The following L3MBTL1 variants were observed in gnomAD, a reference collection of about 807,000 sequenced individuals.
L3MBTL1 encodes lethal(3)malignant brain tumor-like protein 1.
Under a neutral mutation model 105.3 loss-of-function variants are expected in L3MBTL1, and 75 were observed. The observed-to-expected ratio is 0.71, with a 90% CI of 0.59 to 0.86. The LOEUF is 0.86. L3MBTL1 is among the 40% of genes least tolerant of loss of function. The pLI is 0.00. For missense variants in L3MBTL1, 1,069 were observed against 1,126.4 expected, an observed-to-expected ratio of 0.95 and a Z score of 0.73; for synonymous variants, 452 against 436.2, an observed-to-expected ratio of 1.04 and a Z score of -0.45.
chr20:43,528,707 C>T lies in L3MBTL1; in HGVS notation c.913C>T (p.Gln305Ter), dbSNP rs769342204. Residue 305 changes from glutamine to a stop codon, truncating the protein, a stop_gained, in exon 8 of 22, where the codon CAG becomes TAG. Transcript: ENST00000418998. LOFTEE classifies it high-confidence loss of function. ...CWSWESYLEE[Q>*]KAITAPVSLF... is the part of the protein sequence containing the mutation. ...GTCGTGGGAGTCCTACCTAGAGGAG[C>T]AGAAGGCCATTACTGCTCCAGTCAG... The T allele has an allele frequency of 1.9e-6, 3 of 1,614,098 alleles. No homozygotes were observed. The highest frequency in any genetic ancestry group is 1.7e-6 in the Non-Finnish European group (2 of 1,179,956).
At chr20:43,545,137 A>T (rs777022751), downstream of L3MBTL1, among the ~76,000 whole-genome samples, 2 of 151,884 alleles carry the variant, frequency 1.3e-5, no homozygotes, top group Non-Finnish European at 2.9e-5. Context: ...GGTGGCGCAC[A>T]TCCGTAATCC....
At chr20:43,550,134 C>T (rs1385244533) in exon 19 of L3MBTL1, 1 of 151,960 alleles carries the variant, frequency 6.6e-6, no homozygotes, top group Non-Finnish European at 1.5e-5. Context: ...CAAGTCTAAG[C>T]CTTGCTTTTA....
chr20:43,514,461 C>CAGGTG, intron 3 of L3MBTL1, 174 bp from the exon 4 acceptor site: 1 of 1,507,418 alleles, frequency 6.6e-7, no homozygotes. Flanking sequence ...GGGGGCGTAG[C>CAGGTG]CTGGAGTGAG....
intron 19 of L3MBTL1, 55 bp downstream of exon 19, chr20:43,536,513 T>A: frequency 1.3e-6 from 2 of 1,578,308 alleles, no homozygotes; most frequent in South Asian, 2.2e-5. Flanking sequence ...TCACAGCGAG[T>A]GCTCTGTCAT....
intron 3 of L3MBTL1, 62 bp downstream of exon 3, chr20:43,514,123 G>GC (rs1231647432): frequency 7.2e-6 from 10 of 1,380,922 alleles, no homozygotes; most frequent in Non-Finnish European, 9.9e-6. Flanking sequence ...GGGCTTGCAG[G>GC]CCCGGAGGCT....
chr20:43,533,462 C>T (rs371549672), intron 13 of L3MBTL1, 44 bp downstream of exon 13: 23 of 1,546,650 alleles, frequency 1.5e-5, no homozygotes, highest in Admixed American at 3.5e-5. Context: ...AAGCCTGGCT[C>T]TGCTTCCCTC....
In L3MBTL1 at chr20:43,516,132, A is replaced by C. The variant is rs1342687535; in HGVS notation, c.817A>C (p.Thr273Pro). 1 of 1,614,120 alleles carries C rather than the reference A, an allele frequency of 6.2e-7. No individual in the cohort carries two copies. Among genetic ancestry groups the C allele is most frequent in the Non-Finnish European group, 8.5e-7 (1 of 1,179,988 alleles). The change falls in exon 7 of 22, where the codon ACT becomes CCT. Residue 273 changes from threonine to proline, a missense_variant. By Grantham distance (38) the Thr-to-Pro change is conservative. Transcript: ENST00000418998. The part of the protein sequence containing the change: ...EEGKDPEGQP[T>P]ASTPESEEWS... ...AGGAAAGGACCCAGAGGGACAACCCACTGCTAGCACCCCAGAGAGTGAGGA... is the reference window on the plus strand; with the variant it reads ...AGGAAAGGACCCAGAGGGACAACCCCCTGCTAGCACCCCAGAGAGTGAGGA...
chr20:43,515,235 G>A, intron 5 of L3MBTL1, 57 bp from the exon 6 acceptor site: 1 of 1,613,236 alleles, frequency 6.2e-7, no homozygotes, highest in Non-Finnish European at 8.5e-7. Context: ...GGGGTTAGGA[G>A]AGGGGCTGGG....
chr20:43,538,356 C>T (rs112915860), intron 19 of L3MBTL1, among the ~76,000 whole-genome samples: 105 of 152,292 alleles, frequency 6.9e-4, no homozygotes, highest in Non-Finnish European at 8.7e-4. Context: ...GACTATGTCA[C>T]GGAACTGGCA....
chr20:43,514,948 G>A (rs759150589), intron 4 of L3MBTL1, 61 bp from the exon 5 acceptor site: 60 of 1,580,670 alleles, frequency 3.8e-5, no homozygotes, highest in Non-Finnish European at 5.1e-5. Context: ...AGGGGGCGTG[G>A]GCGGAGCCTG....
At chr20:43,531,558 T>C (rs942433866) in intron 11 of L3MBTL1, 2 of 150,340 alleles carry the variant, frequency 1.3e-5, no homozygotes, top group Admixed American at 6.7e-5. Context: ...CTACTAAAAA[T>C]ATAAAAAATT....
intron 9 of L3MBTL1, 96 bp from the exon 10 acceptor site, chr20:43,530,188 C>T (rs1264381112): frequency 5.4e-6 from 8 of 1,491,678 alleles, no homozygotes; most frequent in Non-Finnish European, 6.4e-6. Flanking sequence ...AGCATTAGAG[C>T]CCCTGAGACC....
intron 6 of L3MBTL1, 107 bp from the exon 7 acceptor site, chr20:43,515,986 G>A: frequency 1.3e-6 from 1 of 799,314 alleles, no homozygotes; most frequent in Non-Finnish European, 2.1e-6. Context: ...CCTGTTTGGG[G>A]CAGAACACCA....
At chr20:43,511,846 G>T (rs145920954) in intron 1 of L3MBTL1, among the ~76,000 whole-genome samples, 29 of 151,952 alleles carry the variant, frequency 1.9e-4, no homozygotes, top group African/African-American at 7.0e-4. Context: ...TTGAGTTAAG[G>T]CCTGGAGGAT....
intron 10 of L3MBTL1, 30 bp downstream of exon 10, chr20:43,530,449 G>A (rs1257315124): frequency 1.2e-6 from 2 of 1,609,572 alleles, no homozygotes; most frequent in Non-Finnish European, 1.7e-6. Context: ...GTCACAGTGA[G>A]GCAGTGAGTC....
At position 43,513,906 on chromosome 20, in the gene L3MBTL1, C is replaced by A; in HGVS notation, c.205C>A (p.His69Asn). 6.4e-7 allele frequency: 1 copy of A among 1,550,592 alleles called. No individual in the cohort carries two copies. The highest frequency in any genetic ancestry group is 8.7e-7 in the Non-Finnish European group (1 of 1,147,004). ...GTCTTGCTTTCCCCGGGAGCCAATC[C>A]ATGTGGGTGCCCCGGAGCAAGTGGC... Reference protein sequence around the residue: ...DVSCFPREPIHVGAPEQVAGC... With the variant: ...DVSCFPREPINVGAPEQVAGC... The change falls in exon 3 of 22, where the codon CAT (histidine) becomes AAT (asparagine). Residue 69 changes from histidine to asparagine, a missense_variant. Physicochemically the swap from His to Asn is moderately conservative, Grantham distance 68. Transcript: ENST00000418998.
intron 7 of L3MBTL1, among the ~76,000 whole-genome samples, chr20:43,520,503 T>C (rs1300431580): frequency 1.3e-5 from 2 of 152,204 alleles, no homozygotes; most frequent in East Asian, 1.9e-4. Flanking sequence ...TGTACCATTT[T>C]ACATTCCCAC....
chr20:43,523,582 C>G (rs2018850861), intron 7 of L3MBTL1: 1 of 241,206 alleles, frequency 4.1e-6, no homozygotes, highest in African/African-American at 2.3e-5. Context: ...TTGTTCTCTT[C>G]TCACCCTGTC....
chr20:43,540,845 A>T, intron 21 of L3MBTL1, 30 bp downstream of exon 21: 1 of 1,612,930 alleles, frequency 6.2e-7, no homozygotes, highest in Non-Finnish European at 8.5e-7. Flanking sequence ...TGGGAGACAG[A>T]GCCGGGGTCA....
Sources: gnomAD v4.1 joint callset for allele counts (sites outside exome capture counted in the v4.1 genomes callset) on GRCh38, gnomAD v4.1.1 for gene constraint, MANE v1.5 for transcripts, NCBI Gene and HGNC (gene_info 2026-07-23, HGNC 2026-07-21) for gene names.